UPK1B: variants seen among roughly 807,000 people sequenced by gnomAD.
UPK1B encodes uroplakin-1b.
Under a neutral mutation model 34.2 loss-of-function variants are expected in UPK1B, and 28 were observed. The ratio of observed to expected loss-of-function variants is 0.82; its 90% CI spans 0.61 to 1.12. UPK1B has a LOEUF of 1.12. Among genes scored for constraint, UPK1B ranks in the 50% most tolerant of loss-of-function variants. UPK1B has a pLI of 0.00. For synonymous variants in UPK1B, 81 were observed against 110.4 expected (o/e 0.73, Z 1.67); for missense variants, 325 against 320.9 (o/e 1.01, Z -0.10).
chr3:119,196,306 A>C (rs1416639293), intron 6 of UPK1B, among the ~76,000 whole-genome samples: 1 of 151,998 alleles, frequency 6.6e-6, no homozygotes, highest in Non-Finnish European at 1.5e-5. Flanking sequence ...CACCAAGAAA[A>C]AGGTGCTACC....
chr3:119,176,815 G>A (rs1216887547), intron 1 of UPK1B, among the ~76,000 whole-genome samples: 3 of 152,162 alleles, frequency 2.0e-5, no homozygotes, highest in Admixed American at 2.0e-4. Context: ...CGTGGGGAGG[G>A]TTCAGAAGAC....
chr3:119,180,554 C>T (rs2077984770), intron 1 of UPK1B, among the ~76,000 whole-genome samples: 1 of 152,180 alleles, frequency 6.6e-6, no homozygotes, highest in Non-Finnish European at 1.5e-5. Flanking sequence ...AAACTACTAC[C>T]AAGCCCTAGA....
chr3:119,204,007 T>C lies in UPK1B; in HGVS notation c.*40T>C, dbSNP rs1444802988. The C allele has an allele frequency of 6.2e-7, 1 of 1,608,314 alleles. No individual in the cohort carries two copies. The highest frequency in any genetic ancestry group is 8.5e-7 in the Non-Finnish European group (1 of 1,176,026). ...CACCATACCTCCTTCCCCGAGTGACTCTGGATTTGGTGCTGGAACCAGCTC... is the reference window on the plus strand; with the variant it reads ...CACCATACCTCCTTCCCCGAGTGACCCTGGATTTGGTGCTGGAACCAGCTC... On this transcript the variant is annotated 3_prime_UTR_variant, in exon 8 of 8. Transcript: ENST00000264234.
Position 119,204,923 on chromosome 3 carries a change from G to C in UPK1B, c.*956G>C, listed in dbSNP as rs2078113028. The C allele has an allele frequency of 6.6e-6, 1 of 152,212 alleles. No individual in the cohort carries two copies. The highest frequency in any genetic ancestry group is 1.5e-5 in the Non-Finnish European group (1 of 68,064). 9.4% of individuals were successfully genotyped at this position (152,212 alleles called of 1,614,324 possible). A position where few individuals can be genotyped will look rare whatever the true frequency, so the allele number is the denominator to read the frequency against. Reference sequence around the variant, plus strand: ...ACTTCTGGGGACAGACAAGGTGCCTGTTATATATTTACTCAGTCTTTGCCC... The same window carrying C: ...ACTTCTGGGGACAGACAAGGTGCCTCTTATATATTTACTCAGTCTTTGCCC... On this transcript the variant is annotated 3_prime_UTR_variant, in exon 8 of 8. Transcript: ENST00000264234.
rs2078110616 is a variant in UPK1B, at chr3:119,204,604, T to G, written c.*637T>G. On this transcript the variant is annotated 3_prime_UTR_variant, in exon 8 of 8. Coordinates refer to ENST00000264234, the MANE Select transcript of UPK1B (RefSeq NM_006952.4). ...ATTAATTAAAAGTGTGGGCTGGGCGTGGGGGCTCATGCCTGTAATCCCAGC... is the reference window on the plus strand; with the variant it reads ...ATTAATTAAAAGTGTGGGCTGGGCGGGGGGGCTCATGCCTGTAATCCCAGC... 1 of 152,274 alleles carries G rather than the reference T, an allele frequency of 6.6e-6. No individual in the cohort carries two copies. The highest frequency in any genetic ancestry group is 1.5e-5 in the Non-Finnish European group (1 of 68,150). The allele number at this position is 152,274 out of a possible 1,614,324, so 9.4% of individuals were successfully genotyped here. A position where few individuals can be genotyped will look rare whatever the true frequency, so the allele number is the denominator to read the frequency against.
chr3:119,203,777 T>A, intron 7 of UPK1B, 140 bp from the exon 8 acceptor site: 4 of 871,668 alleles, frequency 4.6e-6, no homozygotes, highest in Non-Finnish European at 7.1e-6. Context: ...TGTTTTGGTT[T>A]TTTAGAAGAA....
At chr3:119,189,934 A>G (rs2078036533) in intron 3 of UPK1B, among the ~76,000 whole-genome samples, 1 of 151,876 alleles carries the variant, frequency 6.6e-6, no homozygotes, top group South Asian at 2.1e-4. Flanking sequence ...AAATGCTCAC[A>G]TGTGTGTGTG....
chr3:119,194,282 G>A lies in UPK1B; in HGVS notation c.532G>A (p.Glu178Lys), dbSNP rs542625061. 1 of 1,614,074 alleles carries A rather than the reference G, an allele frequency of 6.2e-7. No individual in the cohort carries two copies. Among genetic ancestry groups the A allele is most frequent in the East Asian group, 2.2e-5 (1 of 44,886 alleles). ...AAAATACACATCTGCCTTCCGGACTGAGAATAATGATGCTGACTATCCCTG... is the reference window on the plus strand; with the variant it reads ...AAAATACACATCTGCCTTCCGGACTAAGAATAATGATGCTGACTATCCCTG... The part of the protein sequence containing the change: ...WQKYTSAFRT[E>K]NNDADYPWPR... The change falls in exon 6 of 8, where the codon GAG becomes AAG. Residue 178 changes from glutamate (E) to lysine (K), a missense_variant. By Grantham distance (56) the Glu-to-Lys change is moderately conservative (BLOSUM62 1). Coordinates refer to ENST00000264234, the MANE Select transcript of UPK1B (RefSeq NM_006952.4).
chr3:119,190,274 C>T lies in UPK1B; in HGVS notation c.300C>T (p.Ala100=), dbSNP rs575753359. 52 of 1,611,706 alleles carry T rather than the reference C, an allele frequency of 3.2e-5. No homozygotes were observed. In the East Asian group the frequency reaches 1.1e-3, roughly 34 times the overall value. The change falls in exon 4 of 8, where the codon GCC becomes GCT. Residue 100 remains alanine, a synonymous_variant. Coordinates refer to ENST00000264234, the MANE Select transcript of UPK1B (RefSeq NM_006952.4). ...TCATTCTGATGTTTATAGTATATGC[C>T]TTTGAAGTGGCATCTTGTATCACAG... ...AYFILMFIVY[A]FEVASCITAA...
rs1420162327 is a variant in UPK1B, at chr3:119,204,088, A to T, written c.*121A>T. 8.8e-7 allele frequency: 1 copy of T among 1,136,312 alleles called. No individual in the cohort carries two copies. Among genetic ancestry groups the T allele is most frequent in the Non-Finnish European group, 1.3e-6 (1 of 769,412 alleles). 70.4% of individuals were successfully genotyped at this position (1,136,312 alleles called of 1,614,324 possible). A position where few individuals can be genotyped will look rare whatever the true frequency, so the allele number is the denominator to read the frequency against. Reference sequence around the variant, plus strand: ...CTAACGTGTGTGTCTTACATTGCCAAGTCAGATGGTACGGACTTCCTTTAG... The same window carrying T: ...CTAACGTGTGTGTCTTACATTGCCATGTCAGATGGTACGGACTTCCTTTAG... On this transcript the variant is annotated 3_prime_UTR_variant, in exon 8 of 8. Transcript: ENST00000264234.
intron 1 of UPK1B, among the ~76,000 whole-genome samples, chr3:119,184,662 G>C (rs1482697428): frequency 1.3e-5 from 2 of 152,070 alleles, no homozygotes; most frequent in African/African-American, 2.4e-5. Context: ...AGAGGCGGAG[G>C]TTGCAGTGAG....
At chr3:119,200,933 TC>T (rs1248758011) in intron 7 of UPK1B, among the ~76,000 whole-genome samples, 3 of 152,248 alleles carry the variant, frequency 2.0e-5, no homozygotes, top group African/African-American at 7.2e-5. Context: ...ATACTTCCTT[TC>T]TGTCATGCAG....
At chr3:119,198,719 G>A (rs1285441828) in intron 6 of UPK1B, among the ~76,000 whole-genome samples, 2 of 152,142 alleles carry the variant, frequency 1.3e-5, no homozygotes, top group African/African-American at 4.8e-5. Flanking sequence ...AAGCCTTTGG[G>A]GAGGGAAAAA....
intron 1 of UPK1B, among the ~76,000 whole-genome samples, chr3:119,181,899 A>G (rs2077991505): frequency 6.6e-6 from 1 of 152,206 alleles, no homozygotes; most frequent in Non-Finnish European, 1.5e-5. Flanking sequence ...GCAGCAGAGC[A>G]GAATACTCTC....
chr3:119,187,719 C>A, intron 2 of UPK1B, 56 bp from the exon 3 acceptor site: 1 of 1,558,070 alleles, frequency 6.4e-7, no homozygotes, highest in Non-Finnish European at 8.8e-7. Context: ...CCCCACCCTC[C>A]ACCCCCTTTC....
chr3:119,188,485 C>A (rs749172418), intron 3 of UPK1B, among the ~76,000 whole-genome samples: 1 of 152,148 alleles, frequency 6.6e-6, no homozygotes, highest in Non-Finnish European at 1.5e-5. Flanking sequence ...TGTATCATAG[C>A]CTATACTCCC....
Position 119,194,381 on chromosome 3 carries a change from G to A in UPK1B, c.631G>A (p.Gly211Ser), listed in dbSNP as rs370815438. ...NLEACKLGVP[G>S]FYHNQGCYEL... ...GGAGGCTTGTAAACTAGGCGTGCCT[G>A]GTTTTTATCACAATCAGGTGAGTCC... Residue 211 changes from glycine (G) to serine (S), a missense_variant, in exon 6 of 8, where the codon GGT becomes AGT. Physicochemically the swap from Gly to Ser is moderately conservative, Grantham distance 56. Transcript: ENST00000264234. 6.2e-7 allele frequency: 1 copy of A among 1,611,594 alleles called. No individual in the cohort carries two copies. Among genetic ancestry groups the A allele is most frequent in the African/African-American group, 1.3e-5 (1 of 74,856 alleles).
intron 1 of UPK1B, among the ~76,000 whole-genome samples, chr3:119,183,056 TAG>T (rs2077996242): frequency 6.6e-6 from 1 of 152,156 alleles, no homozygotes; most frequent in African/African-American, 2.4e-5. Flanking sequence ...TTTGCAAAGG[TAG>T]AGTCTCCTGA....
chr3:119,194,415 C>CT lies in UPK1B; in HGVS notation c.648+17_648+18insT. Reference sequence around the variant, plus strand: ...CACAATCAGGTGAGTCCTCTCTCCTCCCAAGACTTCCCAGGAGGTTCTGCT... The same window carrying CT: ...CACAATCAGGTGAGTCCTCTCTCCTCTCCAAGACTTCCCAGGAGGTTCTGCT... On this transcript the variant is annotated intron_variant, in intron 6 of 7. Transcript: ENST00000264234. The CT allele has an allele frequency of 6.5e-7, 1 of 1,529,330 alleles. No homozygotes were observed. The highest frequency in any genetic ancestry group is 1.1e-5 in the South Asian group (1 of 87,132). 94.7% of individuals were successfully genotyped at this position (1,529,330 alleles called of 1,614,324 possible).
Sources: allele counts gnomAD v4.1 joint callset (sites outside exome capture counted in the v4.1 genomes callset), GRCh38; gene constraint gnomAD v4.1.1; transcripts MANE v1.5; gene names NCBI Gene and HGNC (gene_info 2026-07-23, HGNC 2026-07-21).